Variants in SCP2 observed in about 807,000 individuals in gnomAD.
SCP2 encodes the protein SCP-2/3-oxoacyl-CoA thiolase.
A neutral mutation model predicts 71.4 loss-of-function variants in SCP2; 48 were observed. The ratio of observed to expected loss-of-function variants is 0.67; its 90% CI spans 0.53 to 0.86. The LOEUF (loss-of-function observed/expected upper bound fraction) is 0.86, where lower values mean the gene tolerates loss of function less well. Among genes scored for constraint, SCP2 ranks in the 40% least tolerant of loss-of-function variants. The pLI is 0.00. For synonymous variants in SCP2, 220 were observed against 218.1 expected (o/e 1.01, Z -0.08); for missense variants, 560 against 655.6 (o/e 0.85, Z 1.59).
At chr1:52,995,638 AC>A (rs1245177725) in intron 11 of SCP2, 1 of 636,022 alleles carries the variant, frequency 1.6e-6, no homozygotes. Flanking sequence ...CTTATATCTC[AC>A]CGTGGCTGCT....
At chr1:52,952,553 C>A (rs140911897) in intron 4 of SCP2, among the ~76,000 whole-genome samples, 72 of 152,222 alleles carry the variant, frequency 4.7e-4, no homozygotes, top group African/African-American at 1.7e-3. Flanking sequence ...TTGTTGCTTG[C>A]ATTTTTTTTG....
intron 4 of SCP2, among the ~76,000 whole-genome samples, chr1:52,951,144 T>C (rs1045404336): frequency 6.6e-6 from 1 of 151,908 alleles, no homozygotes; most frequent in African/African-American, 2.4e-5. Context: ...TAGCCGGGTA[T>C]GGTGGCGTGC....
intron 11 of SCP2, among the ~76,000 whole-genome samples, chr1:53,000,697 C>T (rs543364671): frequency 6.6e-6 from 1 of 152,290 alleles, no homozygotes; most frequent in South Asian, 2.1e-4. Context: ...TGGCTTATGC[C>T]TGTAATCCCA....
chr1:52,944,013 A>C (rs1163656479), intron 2 of SCP2: 1 of 228,160 alleles, frequency 4.4e-6, no homozygotes, highest in African/African-American at 2.4e-5. Flanking sequence ...AGAGAGGGGC[A>C]GCAGTGCTGG....
chr1:53,041,023 T>C (rs1663386271), intron 14 of SCP2, among the ~76,000 whole-genome samples: 1 of 152,150 alleles, frequency 6.6e-6, no homozygotes, highest in South Asian at 2.1e-4. Context: ...GTAGCTGTAC[T>C]GTACTGTTAT....
chr1:52,961,777 G>T, intron 6 of SCP2, 148 bp downstream of exon 6: 1 of 718,280 alleles, frequency 1.4e-6, no homozygotes. Flanking sequence ...AATAGTTCTT[G>T]TAGAACTTAG....
At chr1:52,957,045 G>A (rs1015749284) in intron 5 of SCP2, among the ~76,000 whole-genome samples, 1 of 151,962 alleles carries the variant, frequency 6.6e-6, no homozygotes, top group East Asian at 1.9e-4. Context: ...GAGTAGCTGG[G>A]ACTACAGGTG....
At chr1:53,020,546 A>G (rs990796741) in intron 12 of SCP2, among the ~76,000 whole-genome samples, 1 of 151,714 alleles carries the variant, frequency 6.6e-6, no homozygotes, top group African/African-American at 2.4e-5. Context: ...CAGTCTGCCC[A>G]CCTCAGCCTC....
At chr1:52,966,912 G>A (rs954518089) in intron 6 of SCP2, among the ~76,000 whole-genome samples, 1 of 149,450 alleles carries the variant, frequency 6.7e-6, no homozygotes, top group Non-Finnish European at 1.5e-5. Context: ...TAGGAGCCAC[G>A]CACGATGGCT....
At position 52,927,472 on chromosome 1, in the gene SCP2, C is replaced by A. The variant is rs1381255788; in HGVS notation, c.69+7C>A. 6.3e-7 allele frequency: 1 copy of A among 1,592,004 alleles called. No individual in the cohort carries two copies. Among genetic ancestry groups the A allele is most frequent in the Admixed American group, 1.8e-5 (1 of 56,458 alleles). On this transcript the variant is annotated splice_region_variant and intron_variant, in intron 1 of 15. Coordinates refer to ENST00000371514, the MANE Select transcript of SCP2 (RefSeq NM_002979.5). ...GGGGGTTGGCATGACCAAGGTAAAC[C>A]GAGCAGCGGCCCTGCTGGCCCTCTG...
intron 2 of SCP2, among the ~76,000 whole-genome samples, chr1:52,946,086 G>A (rs747708800): frequency 3.8e-4 from 57 of 148,476 alleles, no homozygotes; most frequent in African/African-American, 5.2e-4. Flanking sequence ...ACACCACCAC[G>A]CCCCCCTAAT....
intron 9 of SCP2, among the ~76,000 whole-genome samples, chr1:52,979,212 C>T (rs1371403204): frequency 6.6e-6 from 1 of 152,050 alleles, no homozygotes; most frequent in African/African-American, 2.4e-5. Context: ...TGCTTTGTTG[C>T]CCAGGCTGGA....
intron 11 of SCP2, among the ~76,000 whole-genome samples, chr1:52,999,171 C>T (rs1287163725): frequency 6.6e-6 from 1 of 152,116 alleles, no homozygotes; most frequent in African/African-American, 2.4e-5. Flanking sequence ...TAAATGTTTC[C>T]TTGCTACATA....
chr1:52,976,406 A>G (rs1036933313), intron 7 of SCP2, among the ~76,000 whole-genome samples: 1 of 152,216 alleles, frequency 6.6e-6, no homozygotes, highest in Non-Finnish European at 1.5e-5. Context: ...CCTCATTAGC[A>G]TAACAAAGAC....
chr1:52,945,131 C>A (rs1654656898), intron 2 of SCP2, among the ~76,000 whole-genome samples: 1 of 152,036 alleles, frequency 6.6e-6, no homozygotes, highest in Admixed American at 6.6e-5. Flanking sequence ...TCTATTTTAG[C>A]ATTTTTCCCC....
intron 12 of SCP2, among the ~76,000 whole-genome samples, chr1:53,022,839 C>T (rs184323481): frequency 6.6e-6 from 1 of 151,940 alleles, no homozygotes; most frequent in African/African-American, 2.4e-5. Context: ...CTGTTTTAGG[C>T]CTTAGAATGA....
chr1:53,002,523 A>G (rs561539442), intron 11 of SCP2, among the ~76,000 whole-genome samples: 1 of 152,346 alleles, frequency 6.6e-6, no homozygotes, highest in African/African-American at 2.4e-5. Context: ...CCTGTCAGAG[A>G]GGCTGTGCAC....
At position 53,050,618 on chromosome 1, in the gene SCP2, C is replaced by G. The variant is rs1388269101; in HGVS notation, c.1558C>G (p.Gln520Glu). 6 of 1,612,124 alleles carry G rather than the reference C, an allele frequency of 3.7e-6. No homozygotes were observed. Among genetic ancestry groups the G allele is most frequent in the Admixed American group, 3.3e-5 (2 of 60,006 alleles). ...GKMNPQSAFF[Q>E]GKLKITGNMG... ...TCTTTCTTCTTCACAGGCCTTCTTT[C>G]AAGGCAAATTGAAAATCACTGGCAA... The change falls in exon 16 of 16, where the codon CAA becomes GAA. Residue 520 changes from glutamine to glutamate, a missense_variant. This residue lies in a region of SCP2 where 43 missense variants were observed against 65.9 expected (regional missense o/e 0.65). Coordinates refer to ENST00000371514, the MANE Select transcript of SCP2 (RefSeq NM_002979.5).
chr1:52,949,914 G>A (rs949665052), intron 3 of SCP2, among the ~76,000 whole-genome samples: 1 of 152,158 alleles, frequency 6.6e-6, no homozygotes, highest in Non-Finnish European at 1.5e-5. Context: ...CTAATTAAAT[G>A]AGGAGGAAAG....
Sources: allele counts gnomAD v4.1 joint callset (sites outside exome capture counted in the v4.1 genomes callset), GRCh38; gene constraint gnomAD v4.1.1; regional missense constraint gnomAD v4.1.1; transcripts MANE v1.5; gene names NCBI Gene and HGNC (gene_info 2026-07-23, HGNC 2026-07-21).